Variants in MYH1 observed in about 807,000 individuals in gnomAD.
MYH1 encodes the protein myosin-1.
MYH1 carries 214 observed loss-of-function variants against 225.6 expected under a neutral mutation model. The ratio of observed to expected loss-of-function variants is 0.95; its 90% CI spans 0.85 to 1.06. The LOEUF is 1.06. Ranked by LOEUF, MYH1 falls within the 50% of genes least tolerant of loss-of-function variation. The pLI, the probability that MYH1 is intolerant of heterozygous loss-of-function variation, is 0.00. For synonymous variants in MYH1, 774 were observed against 842.3 expected (o/e 0.92, Z 1.40); for missense variants, 2,098 against 2,344.2 (o/e 0.89, Z 2.17).
rs2072987699 is a variant in MYH1, at chr17:10,495,941, T to C, written c.5169+9A>G. 3 of 1,614,066 alleles carry C rather than the reference T, an allele frequency of 1.9e-6. No individual in the cohort carries two copies. Among genetic ancestry groups the C allele is most frequent in the Non-Finnish European group, 2.5e-6 (3 of 1,179,948 alleles). On this transcript the variant is annotated intron_variant, in intron 35 of 39. Coordinates refer to ENST00000226207, the MANE Select transcript of MYH1 (RefSeq NM_005963.4). ...CTTGTATTTGTTGCTATTCTATTAT[T>C]ACATGCACCTGGGTGTGCAGGAGCT...
chr17:10,496,115 C>G lies in MYH1; in HGVS notation c.5004G>C (p.Gln1668His). Residue 1668 changes from glutamine to histidine, a missense_variant, in exon 35 of 40, where the codon CAG (glutamine) becomes CAC (histidine). By Grantham distance (24) the Gln-to-His change is conservative. Coordinates refer to ENST00000226207, the MANE Select transcript of MYH1 (RefSeq NM_005963.4). ...TAGCCAGCTGTTCCTTCAGGTCCTC[C>G]TGGCTCCGGAGAGCATCATCCAGGT... ...QLHLDDALRS[Q>H]EDLKEQLAMV... is the part of the protein sequence containing the mutation. The G allele has an allele frequency of 6.2e-7, 1 of 1,614,172 alleles. No individual in the cohort carries two copies. The highest frequency in any genetic ancestry group is 8.5e-7 in the Non-Finnish European group (1 of 1,180,030).
Position 10,514,128 on chromosome 17 carries a change from T to A in MYH1, c.534-4A>T, listed in dbSNP as rs747608621. On this transcript the variant is annotated splice_region_variant and splice_polypyrimidine_tract_variant and intron_variant, in intron 6 of 39. Coordinates refer to ENST00000226207, the MANE Select transcript of MYH1 (RefSeq NM_005963.4). ...CTTCCCTGCGCCAGATTCTCCGCTG[T>A]CAAAGACCAAACGTATGAGAAATTA... is the stretch of plus-strand genomic sequence containing the variant. The A allele has an allele frequency of 6.2e-7, 1 of 1,613,934 alleles. No individual in the cohort carries two copies. Among genetic ancestry groups the A allele is most frequent in the African/African-American group, 1.3e-5 (1 of 74,920 alleles).
At position 10,501,616 on chromosome 17, in the gene MYH1, T is replaced by G. The variant is rs1478309572; in HGVS notation, c.3326A>C (p.Gln1109Pro). Residue 1109 changes from glutamine to proline, a missense_variant, in exon 26 of 40, where the codon CAG becomes CCG. Gln to Pro is a moderately conservative substitution (Grantham distance 76, BLOSUM62 -1). Coordinates refer to ENST00000226207, the MANE Select transcript of MYH1 (RefSeq NM_005963.4). ...TACTTGTAACTCCTTGATTTTCTTCTGCAGCTGCATACCAAGGGCTTGTTC... is the reference window on the plus strand; with the variant it reads ...TACTTGTAACTCCTTGATTTTCTTCGGCAGCTGCATACCAAGGGCTTGTTC... ...EDEQALGMQL[Q>P]KKIKELQARI... The G allele has an allele frequency of 2.5e-6, 4 of 1,614,134 alleles. No homozygotes were observed. The Middle Eastern group carries it at 4.9e-4, about 199-fold the overall frequency.
intron 14 of MYH1, 106 bp from the exon 15 acceptor site, chr17:10,509,761 T>G (rs972236681): frequency 6.3e-7 from 1 of 1,587,724 alleles, no homozygotes; most frequent in African/African-American, 1.3e-5. Context: ...GATGGTATCG[T>G]TTTGTCCTAC....
At chr17:10,494,496 A>G in intron 38 of MYH1, 47 bp from the exon 39 acceptor site, 1 of 1,610,950 alleles carries the variant, frequency 6.2e-7, no homozygotes, top group Non-Finnish European at 8.5e-7. Context: ...TACAAATATT[A>G]CATTTTGTCA....
chr17:10,501,033 T>G, intron 27 of MYH1, 77 bp downstream of exon 27: 1 of 1,575,824 alleles, frequency 6.3e-7, no homozygotes, highest in Admixed American at 1.8e-5. Context: ...TCATGAGACG[T>G]TTTTGAGATA....
rs1001967874 is a variant in MYH1, at chr17:10,505,804, T to C, written c.2174+8A>G. ...CTCTTAAAATAATTTACAGCAAAAA[T>C]GTCTGACCTCTGTTTGAAGTCTGCA... On this transcript the variant is annotated splice_region_variant and intron_variant, in intron 19 of 39. Transcript: ENST00000226207. 5 of 1,613,768 alleles carry C rather than the reference T, an allele frequency of 3.1e-6. No homozygotes were observed. Among genetic ancestry groups the C allele is most frequent in the African/African-American group, 2.7e-5 (2 of 74,932 alleles).
intron 9 of MYH1, 119 bp downstream of exon 9, chr17:10,513,507 A>G: frequency 1.0e-6 from 1 of 984,700 alleles, no homozygotes. Context: ...ATTAACCACA[A>G]GCATGTTTGG....
intron 2 of MYH1, 65 bp from the exon 3 acceptor site, chr17:10,516,747 C>G (rs562679436): frequency 7.1e-7 from 1 of 1,409,208 alleles, no homozygotes; most frequent in Non-Finnish European, 9.6e-7. Flanking sequence ...ACATTTAAAA[C>G]TTTAAAAAAA....
chr17:10,493,068 G>T (rs1266408600), intron 39 of MYH1, among the ~76,000 whole-genome samples: 1 of 152,096 alleles, frequency 6.6e-6, no homozygotes, highest in Non-Finnish European at 1.5e-5. Context: ...TAAATATATA[G>T]CAGAGAATTT....
In MYH1 at chr17:10,498,957, T is replaced by C. The variant is rs759503948; in HGVS notation, c.3984+17A>G. On this transcript the variant is annotated intron_variant, in intron 29 of 39. Transcript: ENST00000226207. ...ATAACAAGAACAATAATGACAAGAA[T>C]GACAAGTGGAGCTTACCTTTATCTC... 4.4e-6 allele frequency: 7 copies of C among 1,604,584 alleles called. No homozygotes were observed. The East Asian group carries it at 1.3e-4, about 31-fold the overall frequency.
At position 10,507,897 on chromosome 17, in the gene MYH1, C is replaced by G. The variant is rs140357724; in HGVS notation, c.1957G>C (p.Ala653Pro). The G allele has an allele frequency of 2.2e-5, 35 of 1,612,744 alleles. No homozygotes were observed. The highest frequency in any genetic ancestry group is 9.4e-5 in the African/African-American group (7 of 74,822). ...KKGSSFQTVS[A>P]LFRENLNKLM... ...AATGAAGTTTGTACCCTGAAGAGAG[C>G]AGACACAGTCTGGAAAGAAGAACCC... Residue 653 changes from alanine (A) to proline (P), a missense_variant, in exon 17 of 40, where the codon GCT (alanine) becomes CCT (proline). Transcript: ENST00000226207.
intron 33 of MYH1, 60 bp from the exon 34 acceptor site, chr17:10,496,609 T>A (rs2072997959): frequency 6.2e-7 from 1 of 1,606,216 alleles, no homozygotes; most frequent in Non-Finnish European, 8.5e-7. Context: ...ATTCTAGAGA[T>A]AAGAATGATT....
intron 17 of MYH1, among the ~76,000 whole-genome samples, 170 bp from the exon 18 acceptor site, chr17:10,506,269 C>G (rs1006737227): frequency 2.6e-5 from 4 of 152,164 alleles, no homozygotes; most frequent in African/African-American, 9.7e-5. Context: ...ATATGTCCCC[C>G]TGTTTTCTGT....
At chr17:10,504,719 C>G (rs1489199043) in intron 22 of MYH1, 91 bp downstream of exon 22, 1 of 1,402,676 alleles carries the variant, frequency 7.1e-7, no homozygotes, top group Non-Finnish European at 9.8e-7. Flanking sequence ...CATAATCTGT[C>G]CCTTATTTGG....
At chr17:10,504,701 T>A (rs1332357797) in intron 22 of MYH1, 109 bp downstream of exon 22, 3 of 1,257,942 alleles carry the variant, frequency 2.4e-6, no homozygotes. Context: ...TGTGGATTAT[T>A]AAAGATTCAT....
chr17:10,518,427 G>C (rs937903058), intron 1 of MYH1, 93 bp downstream of exon 1: 3 of 152,144 alleles, frequency 2.0e-5, no homozygotes, highest in Non-Finnish European at 4.4e-5. Context: ...GGGCTGCCAG[G>C]GACAGTGGGA....
rs1434569527 is a variant in MYH1, at chr17:10,516,357, A to C, written c.205-15T>G. Reference sequence around the variant, plus strand: ...ACTGTTACAGTCTGTCCAGTCAAACAAGAGAGGCCAGATCAAAAAGTAAGT... The same window carrying C: ...ACTGTTACAGTCTGTCCAGTCAAACCAGAGAGGCCAGATCAAAAAGTAAGT... On this transcript the variant is annotated splice_polypyrimidine_tract_variant and intron_variant, in intron 3 of 39. Transcript: ENST00000226207. 2.5e-6 allele frequency: 4 copies of C among 1,614,190 alleles called. No homozygotes were observed. The highest frequency in any genetic ancestry group is 3.4e-6 in the Non-Finnish European group (4 of 1,180,030).
intron 31 of MYH1, 137 bp downstream of exon 31, chr17:10,497,597 C>G: frequency 1.3e-6 from 2 of 1,487,276 alleles, no homozygotes; most frequent in South Asian, 1.3e-5. Flanking sequence ...AGGAGCACTT[C>G]CCCTCTCCAC....
Sources: allele counts gnomAD v4.1 joint callset (sites outside exome capture counted in the v4.1 genomes callset), GRCh38; gene constraint gnomAD v4.1.1; transcripts MANE v1.5; gene names NCBI Gene and HGNC (gene_info 2026-07-23, HGNC 2026-07-21).